MYO5A: variants seen among roughly 807,000 people sequenced by gnomAD.
The protein encoded by MYO5A is myosin VA, also known as unconventional myosin-Va.
MYO5A carries 98 observed loss-of-function variants against 249.7 expected under a neutral mutation model. The observed-to-expected ratio is 0.39, with a 90% CI of 0.33 to 0.46. The LOEUF (loss-of-function observed/expected upper bound fraction) is 0.46, where lower values mean the gene tolerates loss of function less well. Among genes scored for constraint, MYO5A ranks in the 20% least tolerant of loss-of-function variants. The pLI, the probability that MYO5A is intolerant of heterozygous loss-of-function variation, is 0.98. For synonymous variants in MYO5A, 778 were observed against 810.6 expected (o/e 0.96, Z 0.68); for missense variants, 1,696 against 2,308.8 (o/e 0.73, Z 5.44).
intron 29 of MYO5A, 81 bp from the exon 30 acceptor site, chr15:52,346,542 G>C (rs558519770): frequency 1.7e-5 from 15 of 862,584 alleles, no homozygotes; most frequent in Non-Finnish European, 2.9e-5. Context: ...TGGTATAACT[G>C]GGGGGCAGTG....
At chr15:52,404,824 A>G (rs976485642) in intron 9 of MYO5A, among the ~76,000 whole-genome samples, 7 of 152,226 alleles carry the variant, frequency 4.6e-5, no homozygotes, top group African/African-American at 1.7e-4. Flanking sequence ...AAGAAGCTCA[A>G]TAGGAAGTCA....
At chr15:52,382,038 G>A (rs529854655) in intron 16 of MYO5A, among the ~76,000 whole-genome samples, 1 of 151,852 alleles carries the variant, frequency 6.6e-6, no homozygotes, top group African/African-American at 2.4e-5. Context: ...GAGTAGCTGG[G>A]ATTACAGGCG....
chr15:52,389,740 G>A (rs1479505067), intron 12 of MYO5A, among the ~76,000 whole-genome samples: 1 of 152,140 alleles, frequency 6.6e-6, no homozygotes, highest in Admixed American at 6.5e-5. Context: ...ATCACCTGAG[G>A]TCAGGAGTTC....
chr15:52,504,054 CTTTTTTT>C (rs71425753), intron 1 of MYO5A, among the ~76,000 whole-genome samples: 2 of 122,992 alleles, frequency 1.6e-5, no homozygotes, highest in African/African-American at 3.0e-5. Flanking sequence ...GTTTCTCCTT[CTTTTTTT>C]TTTTTTTTTT....
At chr15:52,386,800 G>C (rs138306725) in intron 14 of MYO5A, among the ~76,000 whole-genome samples, 3 of 152,008 alleles carry the variant, frequency 2.0e-5, no homozygotes, top group South Asian at 2.1e-4. Flanking sequence ...TGCCTGCCTC[G>C]GCCTCCCAAA....
At chr15:52,457,322 T>C (rs926238652) in intron 1 of MYO5A, among the ~76,000 whole-genome samples, 2 of 151,446 alleles carry the variant, frequency 1.3e-5, no homozygotes, top group Non-Finnish European at 2.9e-5. Context: ...TCCCAGCTAC[T>C]TGGGGGCTGA....
intron 1 of MYO5A, among the ~76,000 whole-genome samples, chr15:52,502,584 G>A (rs1334202643): frequency 6.6e-6 from 1 of 152,184 alleles, no homozygotes; most frequent in Non-Finnish European, 1.5e-5. Context: ...AGAAGTGTCT[G>A]ATCAGTAAGG....
chr15:52,523,133 T>C (rs1395041083), intron 1 of MYO5A, among the ~76,000 whole-genome samples: 1 of 152,228 alleles, frequency 6.6e-6, no homozygotes, highest in Admixed American at 6.5e-5. Context: ...CATTATTTCA[T>C]ACTACTCCTG....
intron 1 of MYO5A, among the ~76,000 whole-genome samples, chr15:52,468,817 G>A (rs1030055142): frequency 1.3e-5 from 2 of 152,186 alleles, no homozygotes; most frequent in Admixed American, 6.5e-5. Flanking sequence ...ACCTTTGAGA[G>A]AGCAATTTGG....
intron 1 of MYO5A, among the ~76,000 whole-genome samples, chr15:52,459,147 A>ATTTTTTTTTTTTTTTTTTTTTTTTTTTTT (rs531798708): frequency 6.2e-5 from 4 of 64,290 alleles, no homozygotes; most frequent in Admixed American, 2.4e-4. Flanking sequence ...TTTTCCAGAA[A>ATTTTTTTTTTTTTTTTTTTTTTTTTTTTT]TTTTTTTTTT....
chr15:52,432,713 C>T (rs891054020), intron 2 of MYO5A, among the ~76,000 whole-genome samples: 2 of 152,126 alleles, frequency 1.3e-5, no homozygotes, highest in African/African-American at 4.8e-5. Context: ...TAAGTTAATT[C>T]CCTAGTTTGG....
chr15:52,470,487 A>G (rs1341901939), intron 1 of MYO5A, among the ~76,000 whole-genome samples: 2 of 152,068 alleles, frequency 1.3e-5, no homozygotes, highest in African/African-American at 4.8e-5. Context: ...CTCCGTCTCT[A>G]CTAAAAACAC....
At chr15:52,366,059 G>A (rs1334711575) in intron 23 of MYO5A, among the ~76,000 whole-genome samples, 1 of 151,950 alleles carries the variant, frequency 6.6e-6, no homozygotes, top group Non-Finnish European at 1.5e-5. Context: ...CTTCAGCTAG[G>A]AGAGGTGAGG....
intron 34 of MYO5A, 141 bp from the exon 35 acceptor site, chr15:52,330,640 A>T: frequency 1.0e-6 from 1 of 999,962 alleles, no homozygotes; most frequent in Non-Finnish European, 1.5e-6. Context: ...CTCTTAAAAT[A>T]ATTTTTTTCT....
chr15:52,487,680 T>C (rs1428486262), intron 1 of MYO5A, among the ~76,000 whole-genome samples: 1 of 147,024 alleles, frequency 6.8e-6, no homozygotes, highest in Non-Finnish European at 1.5e-5. Flanking sequence ...GCCAAGATCA[T>C]GCCACTGCAC....
At chr15:52,402,525 T>C (rs541958606) in intron 9 of MYO5A, among the ~76,000 whole-genome samples, 42 of 152,224 alleles carry the variant, frequency 2.8e-4, no homozygotes, top group African/African-American at 9.4e-4. Flanking sequence ...AACTATCAAA[T>C]AGAGATGTCT....
chr15:52,387,816 T>C lies in MYO5A; in HGVS notation c.1752+13A>G. 1.3e-6 allele frequency: 2 copies of C among 1,553,308 alleles called. No homozygotes were observed. The highest frequency in any genetic ancestry group is 1.8e-6 in the Non-Finnish European group (2 of 1,125,116). ...CATACATCCTGGATTAGAGTAAGCC[T>C]ATCCATAGTTACCTTGCTTGATTTA... On this transcript the variant is annotated intron_variant, in intron 14 of 41. Coordinates refer to ENST00000399233, the MANE Select transcript of MYO5A (RefSeq NM_001382347.1).
rs1005850387 is a variant in MYO5A at position 52,340,328 on chromosome 15, C to G, written c.4107G>C (p.Gly1369=). The change falls in exon 32 of 42, where the codon GGG becomes GGC. Residue 1369 remains glycine, a synonymous_variant. Coordinates refer to ENST00000399233, the MANE Select transcript of MYO5A (RefSeq NM_001382347.1). The stretch of plus-strand genomic sequence containing the variant: ...TCTCCTCCTTCAGGCTCTGGATCTC[C>G]CCACGGAGGGCCTCGGCCTCATTCT... ...SHENEAEALR[G]EIQSLKEENN... is the part of the protein sequence containing the mutation. The G allele has an allele frequency of 6.2e-7, 1 of 1,613,980 alleles. No homozygotes were observed.
At chr15:52,436,796 T>C (rs111997808) in intron 1 of MYO5A, among the ~76,000 whole-genome samples, 8 of 151,158 alleles carry the variant, frequency 5.3e-5, no homozygotes, top group African/African-American at 2.0e-4. Flanking sequence ...GCTCGCTCAA[T>C]TGCTTTAATT....
Sources: allele counts gnomAD v4.1 joint callset (sites outside exome capture counted in the v4.1 genomes callset), GRCh38; gene constraint gnomAD v4.1.1; transcripts MANE v1.5; gene names NCBI Gene and HGNC (gene_info 2026-07-23, HGNC 2026-07-21).